SHPRH: variants seen among roughly 807,000 people sequenced by gnomAD.
The protein encoded by SHPRH is E3 ubiquitin-protein ligase SHPRH.
SHPRH carries 106 observed loss-of-function variants against 202.5 expected under a neutral mutation model. The observed-to-expected ratio is 0.52, with a 90% CI of 0.45 to 0.62. The LOEUF is 0.62. Ranked by LOEUF, SHPRH falls within the 20% of genes least tolerant of loss-of-function variation. SHPRH has a pLI of 0.00. For synonymous variants in SHPRH, 729 were observed against 686.0 expected, an observed-to-expected ratio of 1.06 and a Z score of -0.98; for missense variants, 1,710 against 2,020.0, an observed-to-expected ratio of 0.85 and a Z score of 2.94.
At chr6:145,901,847 T>C (rs1054328515) in intron 25 of SHPRH, among the ~76,000 whole-genome samples, 3 of 152,094 alleles carry the variant, frequency 2.0e-5, no homozygotes, top group Non-Finnish European at 4.4e-5. Context: ...AACTTTGTGC[T>C]TATTGCTTGG....
At chr6:145,923,847 T>A (rs1784635378) in intron 17 of SHPRH, 62 bp from the exon 18 acceptor site, 2 of 1,549,136 alleles carry the variant, frequency 1.3e-6, no homozygotes, top group Non-Finnish European at 8.8e-7. Flanking sequence ...TAAGCTTCCA[T>A]CACTGGGCAG....
At chr6:145,916,853 G>A (rs905961038) in intron 23 of SHPRH, among the ~76,000 whole-genome samples, 2 of 151,960 alleles carry the variant, frequency 1.3e-5, no homozygotes, top group Non-Finnish European at 2.9e-5. Context: ...CGCAATCTCA[G>A]CTCACTGCAA....
At chr6:145,881,096 A>T (rs769466686), downstream of SHPRH, among the ~76,000 whole-genome samples, 53 of 152,212 alleles carry the variant, frequency 3.5e-4, no homozygotes, top group Non-Finnish European at 6.6e-4. Context: ...AGTTGGAGTA[A>T]AACAATGTAA....
intron 2 of SHPRH, among the ~76,000 whole-genome samples, chr6:145,953,006 T>G (rs1222329277): frequency 6.6e-6 from 1 of 152,102 alleles, no homozygotes; most frequent in Non-Finnish European, 1.5e-5. Flanking sequence ...TTTTGAATAC[T>G]GGCATTGATA....
chr6:145,868,377 C>T (rs73576158), intron 2 of SHPRH, among the ~76,000 whole-genome samples: 2,275 of 152,256 alleles, frequency 0.015, 49 homozygotes, highest in African/African-American at 0.051. Flanking sequence ...ATCTCTGTTT[C>T]TACACATGAG....
At chr6:145,947,452 A>AT in intron 6 of SHPRH, 41 bp downstream of exon 6, 1 of 1,600,118 alleles carries the variant, frequency 6.2e-7, no homozygotes, top group Non-Finnish European at 8.5e-7. Context: ...TTTCGAGAAC[A>AT]TATGTCCCCT....
intron 14 of SHPRH, among the ~76,000 whole-genome samples, chr6:145,932,552 T>A (rs767567222): frequency 3.9e-5 from 6 of 152,116 alleles, no homozygotes; most frequent in Non-Finnish European, 7.4e-5. Flanking sequence ...TCACCCTCTG[T>A]AAGAATTTAA....
rs188852334 is a variant in SHPRH, at chr6:145,961,642, A to T, written c.-33+2089T>A. ...TTATGTACACCATTATAATTTGCAC[A>T]TTCCTTCAGATGTATTCTTTCAGCC... is the stretch of plus-strand genomic sequence containing the variant. On this transcript the variant is annotated intron_variant, in intron 1 of 29. Transcript: ENST00000275233. 1.1e-4 allele frequency among the ~76,000 whole-genome samples: 16 copies of T among 152,156 alleles called. No individual in the cohort carries two copies. In the East Asian group the frequency reaches 3.1e-3, roughly 29 times the overall value.
At position 145,946,236 on chromosome 6, in the gene SHPRH, G is replaced by A; in HGVS notation, c.1318C>T (p.Pro440Ser). The A allele has an allele frequency of 1.2e-6, 2 of 1,604,872 alleles. No individual in the cohort carries two copies. The highest frequency in any genetic ancestry group is 1.7e-6 in the Non-Finnish European group (2 of 1,175,428). Residue 440 changes from proline to serine, a missense_variant, in exon 7 of 30, where the codon CCT becomes TCT. Transcript: ENST00000275233. ...CTTTAAGAGATGTCTTACTTACGAGGGCATTGAACTTTTTCTTTTGGTTCA... is the reference window on the plus strand; with the variant it reads ...CTTTAAGAGATGTCTTACTTACGAGAGCATTGAACTTTTTCTTTTGGTTCA... ...EFEPKEKVQCPPTRVMILTAV... is the reference protein window; with the variant it reads ...EFEPKEKVQCSPTRVMILTAV...
Position 145,943,935 on chromosome 6 carries a change from C to T in SHPRH, c.1579-133G>A. On this transcript the variant is annotated intron_variant, in intron 8 of 29. Transcript: ENST00000275233. ...CTACCCTTTTCCCTGAGGAGAATCA[C>T]TCCTGATAAGTGGCTTCCAATCTGC... The T allele has an allele frequency of 7.0e-6, 6 of 855,078 alleles. No individual in the cohort carries two copies. In the South Asian group the frequency reaches 1.2e-4, roughly 16 times the overall value. The allele number at this position is 855,078 out of a possible 1,614,324, so 53.0% of individuals were successfully genotyped here. A position where few individuals can be genotyped will look rare whatever the true frequency, so the allele number is the denominator to read the frequency against.
intron 3 of SHPRH, among the ~76,000 whole-genome samples, chr6:145,951,539 A>G (rs2128799160): frequency 6.6e-6 from 1 of 152,226 alleles, no homozygotes; most frequent in East Asian, 1.9e-4. Context: ...TTTAAAATGA[A>G]CAAATTGTAA....
rs769294784 is a variant in SHPRH, at chr6:145,943,636, G to A, written c.1745C>T (p.Pro582Leu). Reference sequence around the variant, plus strand: ...TTGACTTTTTCCTTTTTTTGTGGATGGAACAAGCTTTTTCCTCAATTTACT... The same window carrying A: ...TTGACTTTTTCCTTTTTTTGTGGATAGAACAAGCTTTTTCCTCAATTTACT... ...NRSKLRKKLV[P>L]STKKGKSQPF... Residue 582 changes from proline (P) to leucine (L), a missense_variant, in exon 9 of 30, where the codon CCA becomes CTA. By Grantham distance (98) the Pro-to-Leu change is moderately conservative. This residue lies in a region of SHPRH where 348 missense variants were observed against 356.9 expected (regional missense o/e 0.97). Transcript: ENST00000275233. The A allele has an allele frequency of 1.9e-6, 3 of 1,613,682 alleles. No individual in the cohort carries two copies. The highest frequency in any genetic ancestry group is 1.7e-6 in the Non-Finnish European group (2 of 1,179,828).
At chr6:145,864,120 T>A (rs1214474401), downstream of SHPRH, 2 of 161,876 alleles carry the variant, frequency 1.2e-5, no homozygotes, top group African/African-American at 4.8e-5. Context: ...ACAAATTAGA[T>A]CACTTCCCCT....
intron 2 of SHPRH, among the ~76,000 whole-genome samples, chr6:145,873,077 CT>C: frequency 6.6e-6 from 1 of 152,114 alleles, no homozygotes; most frequent in East Asian, 1.9e-4. Context: ...GGATAATGGG[CT>C]TAATACCTGG....
At position 145,927,223 on chromosome 6, in the gene SHPRH, T is replaced by C; in HGVS notation, c.3167A>G (p.Glu1056Gly). The change falls in exon 15 of 30, where the codon GAA becomes GGA. Residue 1056 changes from glutamate to glycine, a missense_variant. Glu to Gly is a moderately conservative substitution (Grantham distance 98). Around this residue, in one of 8 missense-constraint regions of SHPRH, gnomAD observed 288 missense variants for 317.8 expected, o/e 0.91. Transcript: ENST00000275233. ...ATCAGTTTTGAGTTTTCCTTTGTGT[T>C]CCTCCGAGGAGCGCAACACTTCTCT... is the stretch of plus-strand genomic sequence containing the variant. ...LYREVLRSSE[E>G]HKGKLKTDSL... 6.2e-7 allele frequency: 1 copy of C among 1,612,238 alleles called. No individual in the cohort carries two copies. The highest frequency in any genetic ancestry group is 2.2e-5 in the East Asian group (1 of 44,694).
chr6:145,910,359 G>T, intron 25 of SHPRH, 89 bp downstream of exon 25: 1 of 1,439,696 alleles, frequency 6.9e-7, no homozygotes, highest in South Asian at 1.3e-5. Context: ...TGTCAAGCTT[G>T]TTCTGATGTT....
rs766444395 is a variant in SHPRH, at chr6:145,888,070, T to C, written c.4905A>G (p.Lys1635=). 7 of 1,612,820 alleles carry C rather than the reference T, an allele frequency of 4.3e-6. No individual in the cohort carries two copies. The highest frequency in any genetic ancestry group is 5.9e-6 in the Non-Finnish European group (7 of 1,179,140). ...KPTIVHRFLI[K]ATIEERMQAM... ...CCTGCATTCTTTCTTCTATTGTTGC[T>C]TTAATTAAGAATCTGTGTACAATAG... Residue 1635 remains lysine (K), a synonymous_variant, in exon 29 of 30, where the codon AAA becomes AAG. Coordinates refer to ENST00000275233, the MANE Select transcript of SHPRH (RefSeq NM_001042683.3).
rs892785555 is a variant in SHPRH, at chr6:145,952,582, C to T, written c.634-104G>A. 4.7e-6 allele frequency: 5 copies of T among 1,070,232 alleles called. No individual in the cohort carries two copies. The Admixed American group carries it at 1.5e-4, about 32-fold the overall frequency. The allele number at this position is 1,070,232 out of a possible 1,614,324, so 66.3% of individuals were successfully genotyped here. ...TAGCATCACTACTTTTAAAGGTATT[C>T]ATAGCATGTGTGACACAAACAATAA... is the stretch of plus-strand genomic sequence containing the variant. On this transcript the variant is annotated intron_variant, in intron 2 of 29. Transcript: ENST00000275233.
chr6:145,939,567 T>G (rs532959670), intron 11 of SHPRH, among the ~76,000 whole-genome samples: 2 of 152,250 alleles, frequency 1.3e-5, no homozygotes, highest in African/African-American at 4.8e-5. Context: ...CTGATAGTCA[T>G]GTACTCTTTT....
Sources: gnomAD v4.1 joint callset for allele counts (sites outside exome capture counted in the v4.1 genomes callset) on GRCh38, gnomAD v4.1.1 for gene constraint, gnomAD v4.1.1 regional missense constraint, MANE v1.5 for transcripts, NCBI Gene and HGNC (gene_info 2026-07-23, HGNC 2026-07-21) for gene names.